PREX1: variants seen among roughly 807,000 people sequenced by gnomAD.
PREX1 encodes phosphatidylinositol 3,4,5-trisphosphate-dependent Rac exchanger 1 protein.
In PREX1, 41 loss-of-function variants were observed where a neutral mutation model predicts 198.3. The observed-to-expected ratio is 0.21, with a 90% CI of 0.16 to 0.27. The LOEUF is 0.27. PREX1 is among the 10% of genes least tolerant of loss of function. The pLI, the probability that PREX1 is intolerant of heterozygous loss-of-function variation, is 1.00. For missense variants in PREX1, 1,620 were observed against 2,200.7 expected, an observed-to-expected ratio of 0.74 and a Z score of 5.28; for synonymous variants, 843 against 887.2, an observed-to-expected ratio of 0.95 and a Z score of 0.89.
the PREX1 span, among the ~76,000 whole-genome samples, chr20:48,865,279 C>T: frequency 6.6e-6 from 1 of 152,176 alleles, no homozygotes; most frequent in Admixed American, 6.5e-5. Context: ...CAGATATCTT[C>T]GCACATGTGT....
rs79114503 is a variant in PREX1 at position 48,684,048 on chromosome 20, A to G, written c.1335-2713T>C. Among the ~76,000 whole-genome samples the G allele has an allele frequency of 2.0e-4, 31 of 152,240 alleles. No individual in the cohort carries two copies. The East Asian group carries it at 4.4e-3, about 22-fold the overall frequency. On this transcript the variant is annotated intron_variant, in intron 10 of 39. Coordinates refer to ENST00000371941, the MANE Select transcript of PREX1 (RefSeq NM_020820.4). The surrounding 1 kb of genome is among the most constrained non-coding windows in gnomAD (Gnocchi z 4.2). ...GAGCTGGAGATACAAGGAGAAGGCA[A>G]TCTAGCTTGATGGGCAGTCTGAGAG...
At chr20:48,659,152 G>A (rs1490184955) in intron 16 of PREX1, among the ~76,000 whole-genome samples, 1 of 144,686 alleles carries the variant, frequency 6.9e-6, no homozygotes, top group East Asian at 2.1e-4. Flanking sequence ...GAGGAGAGAG[G>A]GGAGGGGAGA....
chr20:48,774,746 G>A lies in PREX1; in HGVS notation c.220-26866C>T, dbSNP rs569492401. Among the ~76,000 whole-genome samples the A allele has an allele frequency of 1.4e-4, 21 of 152,336 alleles. No individual in the cohort carries two copies. The South Asian group carries it at 2.5e-3, about 18-fold the overall frequency. On this transcript the variant is annotated intron_variant, in intron 1 of 39. Transcript: ENST00000371941. Reference sequence around the variant, plus strand: ...GGGCAGGGAGTGGCTGGACCCGCACGGCTGAAACCACTGGCTGAGGCCACA... The same window carrying A: ...GGGCAGGGAGTGGCTGGACCCGCACAGCTGAAACCACTGGCTGAGGCCACA...
the PREX1 span, among the ~76,000 whole-genome samples, chr20:48,847,374 AAAAAAAAAAAC>A: frequency 6.6e-6 from 1 of 151,108 alleles, no homozygotes; most frequent in Non-Finnish European, 1.5e-5. Flanking sequence ...TAAAAAAAAA[AAAAAAAAAAAC>A]AAACCCTCCC....
intron 9 of PREX1, among the ~76,000 whole-genome samples, chr20:48,690,377 A>T (rs904024740): frequency 6.6e-6 from 1 of 152,122 alleles, no homozygotes. Flanking sequence ...GAGGTCTGGA[A>T]AGCTGGAGTA....
intron 25 of PREX1, among the ~76,000 whole-genome samples, chr20:48,647,229 G>T (rs1173252481): frequency 6.6e-6 from 1 of 151,860 alleles, no homozygotes; most frequent in Non-Finnish European, 1.5e-5. Context: ...AAAGTGCTCA[G>T]AACAGTGTCT....
the PREX1 span, among the ~76,000 whole-genome samples, chr20:48,838,611 A>G: frequency 6.6e-6 from 1 of 152,230 alleles, no homozygotes; most frequent in African/African-American, 2.4e-5. Context: ...TGATACATAG[A>G]TGAATGGGGA....
intron 3 of PREX1, among the ~76,000 whole-genome samples, chr20:48,741,746 C>A (rs1220416714): frequency 6.6e-6 from 1 of 152,152 alleles, no homozygotes; most frequent in Non-Finnish European, 1.5e-5. Flanking sequence ...GGCATGGAGG[C>A]CTTTGCGGAG....
At chr20:48,679,531 G>C (rs1601070506) in intron 12 of PREX1, 120 bp downstream of exon 12, 1 of 1,369,380 alleles carries the variant, frequency 7.3e-7, no homozygotes, top group Non-Finnish European at 1.0e-6. Context: ...GGGCAGGGGT[G>C]AGTTGTGGGC....
the PREX1 span, among the ~76,000 whole-genome samples, chr20:48,841,615 A>C: frequency 0.028 from 4,276 of 152,304 alleles, 215 homozygotes; most frequent in African/African-American, 0.098. Context: ...AGACTGGATG[A>C]ATAAATGAAT....
At chr20:48,638,698 C>G (rs1430313337) in intron 30 of PREX1, among the ~76,000 whole-genome samples, 1 of 151,928 alleles carries the variant, frequency 6.6e-6, no homozygotes, top group African/African-American at 2.4e-5. Context: ...CACCAGGAAG[C>G]CAGGCCAGGA....
At chr20:48,855,980 G>C in the PREX1 span, among the ~76,000 whole-genome samples, 1 of 152,348 alleles carries the variant, frequency 6.6e-6, no homozygotes, top group East Asian at 1.9e-4. Context: ...ATAAAACAGA[G>C]TAAAGGGATG....
intron 31 of PREX1, 114 bp downstream of exon 31, chr20:48,637,597 G>C: frequency 9.1e-7 from 1 of 1,094,654 alleles, no homozygotes; most frequent in African/African-American, 1.6e-5. Flanking sequence ...TCTTGGAGGG[G>C]CTCCAGGCCA....
chr20:48,856,658 A>G, the PREX1 span, among the ~76,000 whole-genome samples: 2 of 152,154 alleles, frequency 1.3e-5, no homozygotes, highest in Non-Finnish European at 2.9e-5. Flanking sequence ...AAAGGTTGTT[A>G]CTTCCCCTAG....
intron 35 of PREX1, 65 bp from the exon 36 acceptor site, chr20:48,630,859 G>C (rs961141076): frequency 2.4e-6 from 3 of 1,254,568 alleles, no homozygotes; most frequent in Non-Finnish European, 1.2e-6. Context: ...CCCCTACCCA[G>C]GTCTCAACTC....
chr20:48,697,584 C>G (rs1303989741), intron 7 of PREX1, among the ~76,000 whole-genome samples: 1 of 151,974 alleles, frequency 6.6e-6, no homozygotes, highest in Non-Finnish European at 1.5e-5. Context: ...GGGGGTTTCA[C>G]TGTGTTAGCC....
chr20:48,661,867 G>A (rs1431612950), intron 15 of PREX1, among the ~76,000 whole-genome samples: 1 of 152,088 alleles, frequency 6.6e-6, no homozygotes, highest in Non-Finnish European at 1.5e-5. Context: ...TGTCCAGGCA[G>A]GCCTGTTAGA....
chr20:48,798,919 CAG>C (rs1201663052), intron 1 of PREX1, among the ~76,000 whole-genome samples: 3 of 152,308 alleles, frequency 2.0e-5, no homozygotes, highest in Admixed American at 1.3e-4. Flanking sequence ...CTTTTTGAGA[CAG>C]AGTCTCGCTC....
At position 48,625,543 on chromosome 20, in the gene PREX1, GT is replaced by G; in HGVS notation, c.*341del. ...GGCGGAGCCATCCCGAGGGAGCCGG[GT>G]GGCCCCATGTGGCCTCCATGACGTT... On this transcript the variant is annotated 3_prime_UTR_variant, in exon 40 of 40. Transcript: ENST00000371941. The G allele has an allele frequency of 3.4e-6, 1 of 291,630 alleles. No individual in the cohort carries two copies. Among genetic ancestry groups the G allele is most frequent in the Non-Finnish European group, 6.4e-6 (1 of 157,032 alleles). 18.1% of individuals were successfully genotyped at this position (291,630 alleles called of 1,614,324 possible).
Sources: gnomAD v4.1 joint callset for allele counts (sites outside exome capture counted in the v4.1 genomes callset) on GRCh38, gnomAD v4.1.1 for gene constraint, Gnocchi (gnomAD v3.1) non-coding constraint, MANE v1.5 for transcripts, NCBI Gene and HGNC (gene_info 2026-07-23, HGNC 2026-07-21) for gene names.